The following ANKS1A variants were observed in gnomAD, a reference collection of about 807,000 sequenced individuals.
The protein encoded by ANKS1A is ankyrin repeat and sterile alpha motif domain containing 1A, also known as ankyrin repeat and SAM domain-containing protein 1A.
ANKS1A carries 55 observed loss-of-function variants against 120.3 expected under a neutral mutation model. That is an observed-to-expected ratio of 0.46 (90% CI 0.37 to 0.57). The LOEUF (loss-of-function observed/expected upper bound fraction) is 0.57. Ranked by LOEUF, ANKS1A falls within the 20% of genes least tolerant of loss-of-function variation. The probability of loss-of-function intolerance (pLI) is 0.00; values close to 1 mark genes in which losing one functional copy is unlikely to be tolerated. For missense variants in ANKS1A, 1,123 were observed against 1,480.3 expected (o/e 0.76, Z 3.96); for synonymous variants, 590 against 604.7 (o/e 0.98, Z 0.36).
chr6:34,987,160 A>G (rs746989279), intron 8 of ANKS1A, among the ~76,000 whole-genome samples: 1 of 152,172 alleles, frequency 6.6e-6, no homozygotes, highest in Non-Finnish European at 1.5e-5. Context: ...TTGGTAATTA[A>G]CTATGGCAAA....
chr6:35,062,577 G>A (rs996114055), intron 13 of ANKS1A, among the ~76,000 whole-genome samples: 1 of 152,208 alleles, frequency 6.6e-6, no homozygotes, highest in African/African-American at 2.4e-5. Flanking sequence ...GGCTGGACAT[G>A]TCTGAGGAGC....
chr6:35,068,007 C>T (rs1776867943), intron 13 of ANKS1A, among the ~76,000 whole-genome samples: 1 of 151,338 alleles, frequency 6.6e-6, no homozygotes, highest in Non-Finnish European at 1.5e-5. Context: ...ATTTCTCCTG[C>T]CTCGGCCTCC....
At position 35,088,721 on chromosome 6, in the gene ANKS1A, C is replaced by G. The variant is rs549159382; in HGVS notation, c.*112C>G. The G allele has an allele frequency of 2.2e-5, 36 of 1,608,386 alleles. No homozygotes were observed. Among genetic ancestry groups the G allele is most frequent in the Non-Finnish European group, 2.8e-5 (33 of 1,178,248 alleles). On this transcript the variant is annotated 3_prime_UTR_variant, in exon 24 of 24. Transcript: ENST00000360359. ...GCTCTGAAGACCCAGGCCTCACCTC[C>G]GCCTGCAGGACCTCCTCTTGGCCAC...
At chr6:34,915,133 C>A (rs142503762) in intron 1 of ANKS1A, among the ~76,000 whole-genome samples, 1 of 152,286 alleles carries the variant, frequency 6.6e-6, no homozygotes, top group Admixed American at 6.5e-5. Flanking sequence ...CACTTATATT[C>A]ATTTCCAGGG....
At chr6:34,961,484 C>T (rs932245321) in intron 1 of ANKS1A, among the ~76,000 whole-genome samples, 1 of 152,252 alleles carries the variant, frequency 6.6e-6, no homozygotes, top group Admixed American at 6.5e-5. Context: ...TGGTTGGAAA[C>T]GTTGCTGCTT....
intron 11 of ANKS1A, among the ~76,000 whole-genome samples, chr6:35,048,435 G>T (rs1005300558): frequency 1.3e-5 from 2 of 152,208 alleles, no homozygotes; most frequent in African/African-American, 2.4e-5. Context: ...CCCGCTGGCA[G>T]ATAGTTACTC....
chr6:34,990,592 T>C (rs1772453616), intron 9 of ANKS1A, among the ~76,000 whole-genome samples: 1 of 151,830 alleles, frequency 6.6e-6, no homozygotes, highest in Non-Finnish European at 1.5e-5. Flanking sequence ...AACAAGCACT[T>C]GAGTTAAAAT....
chr6:34,928,524 T>C (rs945021819), intron 1 of ANKS1A, among the ~76,000 whole-genome samples: 1 of 151,504 alleles, frequency 6.6e-6, no homozygotes, highest in Non-Finnish European at 1.5e-5. Flanking sequence ...CAATTATTTT[T>C]AGAGGAGTCT....
chr6:34,980,534 A>G (rs1408021123), intron 3 of ANKS1A, among the ~76,000 whole-genome samples: 1 of 152,236 alleles, frequency 6.6e-6, no homozygotes, highest in Non-Finnish European at 1.5e-5. Context: ...TATTAATAGA[A>G]TTAAAGCAAT....
chr6:34,930,692 T>C (rs1177746226), intron 1 of ANKS1A, among the ~76,000 whole-genome samples: 1 of 152,070 alleles, frequency 6.6e-6, no homozygotes, highest in African/African-American at 2.4e-5. Flanking sequence ...TCATGGAAAT[T>C]ATTTATACTT....
chr6:34,985,534 T>A (rs1327289614), intron 8 of ANKS1A, among the ~76,000 whole-genome samples: 1 of 152,248 alleles, frequency 6.6e-6, no homozygotes, highest in Non-Finnish European at 1.5e-5. Context: ...TTACGTGACT[T>A]CATTGGCCTT....
Position 35,060,357 on chromosome 6 carries a change from C to A in ANKS1A, c.2184+104C>A. The A allele has an allele frequency of 1.0e-6, 1 of 991,564 alleles. No homozygotes were observed. Among genetic ancestry groups the A allele is most frequent in the Non-Finnish European group, 1.5e-6 (1 of 662,484 alleles). 61.4% of individuals were successfully genotyped at this position (991,564 alleles called of 1,614,324 possible). On this transcript the variant is annotated intron_variant, in intron 13 of 23. Coordinates refer to ENST00000360359, the MANE Select transcript of ANKS1A (RefSeq NM_015245.3). This position sits in a 1 kb window ranked among gnomAD's most constrained non-coding sequence, Gnocchi z 4.5. ...CAGGAGTCTGCAACAGTACGTAGAC[C>A]CAAATCCCAGGGAAAGCTCACTGAG...
At chr6:35,031,270 C>G (rs761369520) in intron 11 of ANKS1A, among the ~76,000 whole-genome samples, 2 of 152,174 alleles carry the variant, frequency 1.3e-5, no homozygotes, top group Non-Finnish European at 2.9e-5. Flanking sequence ...CCCCATGTCC[C>G]ATCACATAAC....
intron 1 of ANKS1A, among the ~76,000 whole-genome samples, chr6:34,926,312 G>A (rs576984167): frequency 1.3e-5 from 2 of 152,298 alleles, no homozygotes; most frequent in South Asian, 4.1e-4. Flanking sequence ...GGTGGCAGCA[G>A]CATGGGAAAT....
chr6:35,003,905 A>G (rs1291220852), intron 10 of ANKS1A, among the ~76,000 whole-genome samples: 8 of 152,212 alleles, frequency 5.3e-5, no homozygotes, highest in African/African-American at 1.7e-4. Context: ...AAAGGCAGGT[A>G]GCCTGGCGCC....
chr6:34,972,752 T>A, intron 3 of ANKS1A: 3 of 443,860 alleles, frequency 6.8e-6, no homozygotes, highest in Non-Finnish European at 6.0e-6. Context: ...CTCATCATGC[T>A]GACTGTTGTC....
chr6:34,989,003 G>C (rs190756049), intron 8 of ANKS1A, among the ~76,000 whole-genome samples: 1 of 152,292 alleles, frequency 6.6e-6, no homozygotes, highest in African/African-American at 2.4e-5. Context: ...AGGTGTTTAT[G>C]ATCTCTGCTA....
intron 3 of ANKS1A, among the ~76,000 whole-genome samples, chr6:34,971,198 TG>T: frequency 6.6e-6 from 1 of 152,292 alleles, no homozygotes; most frequent in East Asian, 1.9e-4. Context: ...GGTGATTCAG[TG>T]GAATGAAGAT....
intron 1 of ANKS1A, among the ~76,000 whole-genome samples, chr6:34,964,759 T>C (rs1295874644): frequency 6.6e-6 from 1 of 152,200 alleles, no homozygotes; most frequent in Non-Finnish European, 1.5e-5. Flanking sequence ...GGAAGTGGAA[T>C]TGCTGGCTCA....
Sources: gnomAD v4.1 joint callset for allele counts (sites outside exome capture counted in the v4.1 genomes callset) on GRCh38, gnomAD v4.1.1 for gene constraint, Gnocchi (gnomAD v3.1) non-coding constraint, MANE v1.5 for transcripts, NCBI Gene and HGNC (gene_info 2026-07-23, HGNC 2026-07-21) for gene names.